The following TNFRSF10C variants were observed in gnomAD, a reference collection of about 807,000 sequenced individuals.
TNFRSF10C encodes tumor necrosis factor receptor superfamily member 10C.
A neutral mutation model predicts 16.7 loss-of-function variants in TNFRSF10C; 17 were observed. That is an observed-to-expected ratio of 1.02 (90% CI 0.70 to 1.53). The LOEUF (loss-of-function observed/expected upper bound fraction) is 1.53, where lower values mean the gene tolerates loss of function less well. Ranked by LOEUF, TNFRSF10C falls within the 40% of genes most tolerant of loss-of-function variation. TNFRSF10C has a pLI of 0.00. For missense variants in TNFRSF10C, 237 were observed against 329.7 expected, an observed-to-expected ratio of 0.72 and a Z score of 2.18; for synonymous variants, 73 against 119.7, an observed-to-expected ratio of 0.61 and a Z score of 2.55.
chr8:23,117,027 T>C lies in TNFRSF10C; in HGVS notation c.776T>C (p.Val259Ala). Residue 259 changes from valine (V) to alanine (A), a missense_variant, in exon 5 of 5, where the codon GTT becomes GCT. This residue lies in a region of TNFRSF10C where 25 missense variants were observed against 133.0 expected (regional missense o/e 0.19). Coordinates refer to ENST00000356864, the MANE Select transcript of TNFRSF10C (RefSeq NM_003841.5). ...CTAATTGTGCTTCTGATTGTGTTTGTTTGAAAGACTTCACTGTGGAAGAAA... is the reference window on the plus strand; with the variant it reads ...CTAATTGTGCTTCTGATTGTGTTTGCTTGAAAGACTTCACTGTGGAAGAAA... ...IVLIVLLIVF[V>A] is the part of the protein sequence containing the mutation. 1.2e-6 allele frequency: 2 copies of C among 1,613,260 alleles called. No individual in the cohort carries two copies. Among genetic ancestry groups the C allele is most frequent in the African/African-American group, 1.3e-5 (1 of 75,034 alleles).
chr8:23,107,424 T>C (rs1456652844), intron 1 of TNFRSF10C, among the ~76,000 whole-genome samples: 3 of 152,216 alleles, frequency 2.0e-5, no homozygotes, highest in Admixed American at 2.0e-4. Flanking sequence ...GTGGTGGTAG[T>C]TCCACAATGT....
In TNFRSF10C at chr8:23,110,197, G is replaced by A. The variant is rs74304590; in HGVS notation, c.61-1523G>A. On this transcript the variant is annotated intron_variant, in intron 1 of 4. Transcript: ENST00000356864. ...GAGTGTGAGAGCAGAGAAAGGAGAC[G>A]CAGACATCGCCTGAACCTAGAGGGA... 1.1e-4 allele frequency among the ~76,000 whole-genome samples: 16 copies of A among 151,602 alleles called. No individual in the cohort carries two copies. In the East Asian group the frequency reaches 1.2e-3, roughly 11 times the overall value.
intron 1 of TNFRSF10C, 60 bp downstream of exon 1, chr8:23,103,241 GGGAGACGGGGACAC>G (rs1170166688): frequency 6.3e-7 from 1 of 1,578,508 alleles, no homozygotes; most frequent in East Asian, 2.3e-5. Flanking sequence ...GGAGGGGGCA[GGGAGACGGGGACAC>G]GGCAGGGATG....
chr8:23,114,973 C>T (rs1813949881), intron 3 of TNFRSF10C, among the ~76,000 whole-genome samples: 1 of 152,204 alleles, frequency 6.6e-6, no homozygotes, highest in South Asian at 2.1e-4. Context: ...ATCGTCTAAA[C>T]TGTCAGCTGC....
intron 1 of TNFRSF10C, among the ~76,000 whole-genome samples, chr8:23,108,328 C>T (rs368040657): frequency 1.3e-5 from 2 of 152,312 alleles, no homozygotes; most frequent in East Asian, 3.9e-4. Context: ...CTTCTCCCCA[C>T]TCCTGAAATC....
At chr8:23,103,265 G>T (rs756251277) in intron 1 of TNFRSF10C, 84 bp downstream of exon 1, 48 of 1,556,904 alleles carry the variant, frequency 3.1e-5, no homozygotes, top group Non-Finnish European at 3.5e-5. Context: ...CGGCAGGGAT[G>T]CCTGGCCCTG....
intron 2 of TNFRSF10C, 103 bp from the exon 3 acceptor site, chr8:23,114,554 C>G: frequency 3.4e-6 from 3 of 873,280 alleles, no homozygotes; most frequent in African/African-American, 3.3e-5. Context: ...GTGGATTTCT[C>G]TGTCTCAATT....
At chr8:23,103,422 G>T (rs1813709000) in intron 1 of TNFRSF10C, 1 of 666,908 alleles carries the variant, frequency 1.5e-6, no homozygotes. Context: ...GCGAAGGGAG[G>T]GAAGTTCCAG....
chr8:23,103,388 G>A (rs1422615606), intron 1 of TNFRSF10C: 2 of 875,218 alleles, frequency 2.3e-6, no homozygotes, highest in African/African-American at 1.7e-5. Context: ...GCAGAGAGGC[G>A]GTCCCCCTGG....
intron 1 of TNFRSF10C, among the ~76,000 whole-genome samples, chr8:23,108,297 T>G (rs1166856791): frequency 6.6e-6 from 1 of 152,222 alleles, no homozygotes; most frequent in Non-Finnish European, 1.5e-5. Flanking sequence ...TAGGTTGGCC[T>G]ACTTCCAGGA....
intron 1 of TNFRSF10C, among the ~76,000 whole-genome samples, chr8:23,110,433 GTTACAAAAACTATACAATAAAAACATTT>G (rs2128830785): frequency 6.6e-6 from 1 of 152,252 alleles, no homozygotes; most frequent in African/African-American, 2.4e-5. Flanking sequence ...TTAAAGAAAA[GTTACAAAAACTATACAATAAAAACATTT>G]GAAAAAATGG....
Position 23,116,628 on chromosome 8 carries a change from T to C in TNFRSF10C, c.390-13T>C. On this transcript the variant is annotated splice_polypyrimidine_tract_variant and intron_variant, in intron 4 of 4. Coordinates refer to ENST00000356864, the MANE Select transcript of TNFRSF10C (RefSeq NM_003841.5). ...CCTCAGGAGTCCTCACCTCCCTCTC[T>C]GTGTGTACCCAGGTGCCCTAGTGGG... 3 of 1,609,250 alleles carry C rather than the reference T, an allele frequency of 1.9e-6. No homozygotes were observed. The highest frequency in any genetic ancestry group is 2.5e-6 in the Non-Finnish European group (3 of 1,176,790).
Position 23,117,102 on chromosome 8 carries a change from G to C in TNFRSF10C, c.*71G>C. ...GGTAGGCGCTGGCTGAGGGCGGGGG[G>C]CGCTGGACACTCTCTGCCCTGCCTC... is the stretch of plus-strand genomic sequence containing the variant. On this transcript the variant is annotated 3_prime_UTR_variant, in exon 5 of 5. Transcript: ENST00000356864. The C allele has an allele frequency of 1.3e-6, 2 of 1,567,324 alleles. No individual in the cohort carries two copies. The highest frequency in any genetic ancestry group is 1.7e-6 in the Non-Finnish European group (2 of 1,160,226).
chr8:23,112,003 A>G (rs1813888049), intron 2 of TNFRSF10C, among the ~76,000 whole-genome samples, 178 bp downstream of exon 2: 1 of 152,172 alleles, frequency 6.6e-6, no homozygotes, highest in South Asian at 2.1e-4. Flanking sequence ...CTGCTCAGCA[A>G]TTTTCAGCTG....
intron 1 of TNFRSF10C, among the ~76,000 whole-genome samples, chr8:23,111,113 A>G (rs1228739218): frequency 3.3e-5 from 5 of 152,328 alleles, no homozygotes; most frequent in Middle Eastern, 3.4e-3. Context: ...AAGACTCTGT[A>G]TCAAAAAAAC....
chr8:23,106,767 A>G (rs1813784114), intron 1 of TNFRSF10C, among the ~76,000 whole-genome samples: 1 of 152,118 alleles, frequency 6.6e-6, no homozygotes, highest in Admixed American at 6.5e-5. Context: ...CAGGTGGATC[A>G]CGAGGTCAGG....
At chr8:23,110,604 T>G (rs148732955) in intron 1 of TNFRSF10C, among the ~76,000 whole-genome samples, 4 of 152,344 alleles carry the variant, frequency 2.6e-5, no homozygotes, top group South Asian at 2.1e-4. Context: ...CTAGTTGTCA[T>G]TTATAACATA....
intron 1 of TNFRSF10C, among the ~76,000 whole-genome samples, chr8:23,107,000 A>G (rs1320527936): frequency 2.0e-5 from 3 of 152,006 alleles, no homozygotes; most frequent in Non-Finnish European, 4.4e-5. Flanking sequence ...GAAACACAAA[A>G]GAGGTCAAAG....
At chr8:23,106,375 C>T in intron 1 of TNFRSF10C, among the ~76,000 whole-genome samples, 1 of 151,234 alleles carries the variant, frequency 6.6e-6, no homozygotes, top group East Asian at 1.9e-4. Flanking sequence ...TTACAGTCAC[C>T]ATTGAGGGTC....
Sources: allele counts gnomAD v4.1 joint callset (sites outside exome capture counted in the v4.1 genomes callset), GRCh38; gene constraint gnomAD v4.1.1; regional missense constraint gnomAD v4.1.1; transcripts MANE v1.5; gene names NCBI Gene and HGNC (gene_info 2026-07-23, HGNC 2026-07-21).